RPS6KA5: variants seen among roughly 807,000 people sequenced by gnomAD.
RPS6KA5 encodes the protein ribosomal protein S6 kinase A5.
In RPS6KA5, 27 loss-of-function variants were observed where a neutral mutation model predicts 85.5. The observed-to-expected ratio is 0.32, with a 90% CI of 0.23 to 0.44. The LOEUF is 0.44. Ranked by LOEUF, RPS6KA5 falls within the 20% of genes least tolerant of loss-of-function variation. The pLI is 1.00. For missense variants in RPS6KA5, 811 were observed against 980.9 expected, an observed-to-expected ratio of 0.83 and a Z score of 2.31; for synonymous variants, 334 against 348.2, an observed-to-expected ratio of 0.96 and a Z score of 0.46.
intron 5 of RPS6KA5, among the ~76,000 whole-genome samples, chr14:90,941,568 A>G (rs73324683): frequency 0.16 from 24,748 of 152,236 alleles, 2,371 homozygotes; most frequent in East Asian, 0.32. Flanking sequence ...AGGGTGAGGA[A>G]GGCACAGCTG....
intron 1 of RPS6KA5, among the ~76,000 whole-genome samples, chr14:91,010,367 G>A (rs2041208341): frequency 6.6e-6 from 1 of 152,132 alleles, no homozygotes; most frequent in African/African-American, 2.4e-5. Flanking sequence ...CAGGCCGTAA[G>A]CTGGGGAGCT....
intron 1 of RPS6KA5, among the ~76,000 whole-genome samples, chr14:91,037,500 C>T (rs2042450866): frequency 6.6e-6 from 1 of 152,184 alleles, no homozygotes; most frequent in South Asian, 2.1e-4. Context: ...AGCCTGTGTC[C>T]CCTCACCAGT....
rs117909507 is a variant in RPS6KA5 at position 90,914,604 on chromosome 14, T to C, written c.806+5602A>G. Among the ~76,000 whole-genome samples, 1,263 of 152,278 alleles carry C rather than the reference T, an allele frequency of 8.3e-3. 13 individuals carry two copies. The highest frequency in any genetic ancestry group is 0.014 in the Middle Eastern group (4 of 294). Reference sequence around the variant, plus strand: ...TGCTAGGATTACAAGCGTGAGCCACTGCACCTGGCCTATCCCTAGGTTTTT... The same window carrying C: ...TGCTAGGATTACAAGCGTGAGCCACCGCACCTGGCCTATCCCTAGGTTTTT... On this transcript the variant is annotated intron_variant, in intron 7 of 16. Coordinates refer to ENST00000614987, the MANE Select transcript of RPS6KA5 (RefSeq NM_004755.4).
chr14:90,932,709 T>G (rs769571937), intron 5 of RPS6KA5, among the ~76,000 whole-genome samples: 2 of 152,212 alleles, frequency 1.3e-5, no homozygotes, highest in Non-Finnish European at 2.9e-5. Context: ...GAACTGACCA[T>G]GCTACTCGTT....
chr14:90,952,159 T>C (rs1314412608), intron 3 of RPS6KA5, among the ~76,000 whole-genome samples: 8 of 152,234 alleles, frequency 5.3e-5, no homozygotes, highest in Non-Finnish European at 8.8e-5. Context: ...TATGCTTTGT[T>C]TACCTCCAAC....
Position 90,865,766 on chromosome 14 carries a change from G to A in RPS6KA5, c.*6308C>T, listed in dbSNP as rs2075553070. The stretch of plus-strand genomic sequence containing the variant: ...AGAGCTATCACATGGGCTTCCTAGA[G>A]AAAAATAAGCACTTTATGAAGCTTA... On this transcript the variant is annotated 3_prime_UTR_variant, in exon 17 of 17. Transcript: ENST00000614987. 1 of 152,076 alleles carries A rather than the reference G, an allele frequency of 6.6e-6. No individual in the cohort carries two copies. The highest frequency in any genetic ancestry group is 2.1e-4 in the South Asian group (1 of 4,830). 9.4% of individuals were successfully genotyped at this position (152,076 alleles called of 1,614,324 possible).
intron 3 of RPS6KA5, among the ~76,000 whole-genome samples, chr14:90,974,084 ATT>A (rs1459840807): frequency 6.6e-6 from 1 of 151,410 alleles, no homozygotes; most frequent in African/African-American, 2.4e-5. Flanking sequence ...CACACAGAAT[ATT>A]TTCACTTCTA....
intron 5 of RPS6KA5, among the ~76,000 whole-genome samples, chr14:90,932,740 C>T (rs748885153): frequency 1.3e-5 from 2 of 152,180 alleles, no homozygotes; most frequent in African/African-American, 4.8e-5. Flanking sequence ...AGCATGATCA[C>T]GCACAAACTC....
At chr14:90,914,852 G>A (rs543408987) in intron 7 of RPS6KA5, among the ~76,000 whole-genome samples, 1 of 152,342 alleles carries the variant, frequency 6.6e-6, no homozygotes, top group East Asian at 1.9e-4. Context: ...CGGAGCTGCT[G>A]CAATTGCCTC....
intron 1 of RPS6KA5, among the ~76,000 whole-genome samples, chr14:91,026,505 C>T (rs1481629022): frequency 1.3e-5 from 2 of 152,186 alleles, no homozygotes; most frequent in Non-Finnish European, 2.9e-5. Flanking sequence ...GTTGGGATTA[C>T]AGGCATGAGC....
intron 3 of RPS6KA5, among the ~76,000 whole-genome samples, chr14:90,956,580 CTCTAG>C (rs1215668858): frequency 6.6e-6 from 1 of 151,652 alleles, no homozygotes; most frequent in Non-Finnish European, 1.5e-5. Flanking sequence ...TTTTTTGTTC[CTCTAG>C]TCTAGTCTTT....
chr14:90,904,161 G>C (rs1312021748), intron 8 of RPS6KA5, among the ~76,000 whole-genome samples: 1 of 152,078 alleles, frequency 6.6e-6, no homozygotes, highest in Non-Finnish European at 1.5e-5. Context: ...GTGTTAGCCA[G>C]GATGGTCTCG....
At chr14:90,926,695 G>GTGTGTA (rs1042756112) in intron 5 of RPS6KA5, among the ~76,000 whole-genome samples, 2 of 150,810 alleles carry the variant, frequency 1.3e-5, no homozygotes, top group Non-Finnish European at 3.0e-5. Context: ...GTGTGTGTGT[G>GTGTGTA]TACATATCTC....
chr14:90,903,178 CTAT>C (rs1318625640), intron 8 of RPS6KA5, among the ~76,000 whole-genome samples: 1 of 152,162 alleles, frequency 6.6e-6, no homozygotes, highest in Non-Finnish European at 1.5e-5. Context: ...AAAGATGAGA[CTAT>C]CGCTGTTGAA....
At chr14:91,004,861 G>C (rs1164544299) in intron 1 of RPS6KA5, among the ~76,000 whole-genome samples, 2 of 152,006 alleles carry the variant, frequency 1.3e-5, no homozygotes, top group African/African-American at 2.4e-5. Flanking sequence ...CCAGCTCCTC[G>C]GGAGGCTGAG....
intron 5 of RPS6KA5, among the ~76,000 whole-genome samples, chr14:90,927,179 T>C (rs2036721707): frequency 6.6e-6 from 1 of 151,976 alleles, no homozygotes; most frequent in Non-Finnish European, 1.5e-5. Flanking sequence ...TGTATAAAAA[T>C]AGATAAGTAA....
intron 1 of RPS6KA5, among the ~76,000 whole-genome samples, chr14:91,003,415 T>C (rs2040870043): frequency 1.3e-5 from 2 of 152,222 alleles, no homozygotes; most frequent in African/African-American, 4.8e-5. Flanking sequence ...CAGGAAACCC[T>C]AGTCATTCAC....
intron 14 of RPS6KA5, among the ~76,000 whole-genome samples, chr14:90,889,695 CA>C (rs1344324173): frequency 6.6e-6 from 1 of 151,972 alleles, no homozygotes; most frequent in Non-Finnish European, 1.5e-5. Context: ...ACTCAAAATA[CA>C]GGTATAATAT....
At chr14:91,056,986 C>A (rs1021441115) in intron 1 of RPS6KA5, among the ~76,000 whole-genome samples, 51 of 144,066 alleles carry the variant, frequency 3.5e-4, no homozygotes, top group Admixed American at 8.6e-4. Context: ...TTCAAGAGAA[C>A]CTCCTGCCTC....
Sources: allele counts gnomAD v4.1 joint callset (sites outside exome capture counted in the v4.1 genomes callset), GRCh38; gene constraint gnomAD v4.1.1; transcripts MANE v1.5; gene names NCBI Gene and HGNC (gene_info 2026-07-23, HGNC 2026-07-21).